Variants in PLB1 observed in about 807,000 individuals in gnomAD.
PLB1 encodes the protein phospholipase B1, also known as phospholipase B1, membrane-associated.
A neutral mutation model predicts 227.4 loss-of-function variants in PLB1; 242 were observed. The observed-to-expected ratio is 1.06, with a 90% CI of 0.96 to 1.18. The LOEUF (loss-of-function observed/expected upper bound fraction) is 1.18, where lower values mean the gene tolerates loss of function less well. Among genes scored for constraint, PLB1 ranks in the 50% most tolerant of loss-of-function variants. PLB1 has a pLI of 0.00. For synonymous variants in PLB1, 757 were observed against 682.2 expected (o/e 1.11, Z -1.71); for missense variants, 1,858 against 1,816.3 (o/e 1.02, Z -0.42).
intron 1 of PLB1, among the ~76,000 whole-genome samples, chr2:28,508,713 T>C (rs570631738): frequency 1.3e-5 from 2 of 152,352 alleles, no homozygotes; most frequent in Admixed American, 6.5e-5. Flanking sequence ...AGCTCAGTGC[T>C]TAGTGGAGAG....
chr2:28,619,773 C>G (rs561160782), intron 46 of PLB1, among the ~76,000 whole-genome samples: 106 of 152,028 alleles, frequency 7.0e-4, no homozygotes, highest in African/African-American at 2.5e-3. Context: ...AGGGAGCAAA[C>G]AAGGGTAAGG....
rs751935461 is a variant in PLB1 at position 28,582,514 on chromosome 2, G to C, written c.1733+9G>C. ...CCAAGGATGATCCTCAGGTCAGACAGATACTTCTCCCCGATTCTACTAAGA... is the reference window on the plus strand; with the variant it reads ...CCAAGGATGATCCTCAGGTCAGACACATACTTCTCCCCGATTCTACTAAGA... On this transcript the variant is annotated intron_variant, in intron 25 of 57. Transcript: ENST00000327757. 3 of 1,584,264 alleles carry C rather than the reference G, an allele frequency of 1.9e-6. No homozygotes were observed. In the East Asian group the frequency reaches 6.8e-5, roughly 36 times the overall value.
intron 51 of PLB1, among the ~76,000 whole-genome samples, chr2:28,626,813 C>T (rs1486537864): frequency 3.3e-5 from 5 of 152,180 alleles, no homozygotes; most frequent in African/African-American, 1.2e-4. Flanking sequence ...ACCTCTGGTA[C>T]CAGATAGGGG....
chr2:28,588,333 T>C (rs1465394548), intron 26 of PLB1, among the ~76,000 whole-genome samples: 3 of 152,204 alleles, frequency 2.0e-5, no homozygotes, highest in Non-Finnish European at 4.4e-5. Flanking sequence ...GGAAGCAGCA[T>C]GCTGGAAGTC....
rs377268544 is a variant in PLB1 at position 28,576,580 on chromosome 2, A to G, written c.1434-1527A>G. On this transcript the variant is annotated intron_variant, in intron 21 of 57. Transcript: ENST00000327757. ...TCCCGTCTCTACTAAAAATACAACAATTAGCCGGGTGTGGTGGCGGGTGCC... is the reference window on the plus strand; with the variant it reads ...TCCCGTCTCTACTAAAAATACAACAGTTAGCCGGGTGTGGTGGCGGGTGCC... Among the ~76,000 whole-genome samples, 11 of 152,216 alleles carry G rather than the reference A, an allele frequency of 7.2e-5. 1 individual carries two copies. The South Asian group carries it at 2.3e-3, about 32-fold the overall frequency.
chr2:28,591,626 T>C lies in PLB1; in HGVS notation c.2128-74T>C, dbSNP rs1681954471. ...AGGAATCTGTATTTTTCAAAGTTCT[T>C]GGGGTACATCTGATAGCCAGTTTTT... On this transcript the variant is annotated intron_variant, in intron 30 of 57. Transcript: ENST00000327757. The C allele has an allele frequency of 6.8e-6, 10 of 1,473,750 alleles. 1 individual carries two copies. The Admixed American group carries it at 1.7e-4, about 25-fold the overall frequency. 91.3% of individuals were successfully genotyped at this position (1,473,750 alleles called of 1,614,324 possible).
At chr2:28,583,208 C>G (rs1680344093) in intron 25 of PLB1, among the ~76,000 whole-genome samples, 1 of 149,480 alleles carries the variant, frequency 6.7e-6, no homozygotes, top group South Asian at 2.1e-4. Context: ...TTTTTTGAGA[C>G]AGGGTCTCGC....
intron 17 of PLB1, among the ~76,000 whole-genome samples, chr2:28,558,404 T>C (rs1334209846): frequency 1.3e-5 from 2 of 152,228 alleles, no homozygotes; most frequent in Non-Finnish European, 2.9e-5. Context: ...TTGACTGTTA[T>C]CACCAGAAGC....
intron 32 of PLB1, 64 bp from the exon 33 acceptor site, chr2:28,593,617 C>A: frequency 7.2e-7 from 1 of 1,393,370 alleles, no homozygotes; most frequent in Non-Finnish European, 1.0e-6. Context: ...AAGCCCTGTG[C>A]ATTCACAGCC....
intron 13 of PLB1, 146 bp downstream of exon 13, chr2:28,541,957 A>G: frequency 1.5e-6 from 1 of 647,224 alleles, no homozygotes; most frequent in Non-Finnish European, 2.7e-6. Context: ...ACATGGTGAA[A>G]CCCTGTCTCT....
At position 28,603,883 on chromosome 2, in the gene PLB1, C is replaced by T; in HGVS notation, c.2775-83C>T. On this transcript the variant is annotated intron_variant, in intron 39 of 57. Coordinates refer to ENST00000327757, the MANE Select transcript of PLB1 (RefSeq NM_153021.5). ...CAGGGCGGGAGGGAGCCTCTCCACC[C>T]CTCCCCTGAACCTGGGCAATCAGAA... is the stretch of plus-strand genomic sequence containing the variant. 3 of 1,315,008 alleles carry T rather than the reference C, an allele frequency of 2.3e-6. No individual in the cohort carries two copies. The South Asian group carries it at 3.6e-5, about 16-fold the overall frequency. 81.5% of individuals were successfully genotyped at this position (1,315,008 alleles called of 1,614,324 possible).
chr2:28,583,829 A>G (rs1181176045), intron 25 of PLB1, among the ~76,000 whole-genome samples: 1 of 150,786 alleles, frequency 6.6e-6, no homozygotes, highest in African/African-American at 2.4e-5. Context: ...AACGATAGCC[A>G]TAGGGTAATG....
At chr2:28,627,518 A>G (rs1410120703) in intron 51 of PLB1, among the ~76,000 whole-genome samples, 1 of 152,222 alleles carries the variant, frequency 6.6e-6, no homozygotes, top group Non-Finnish European at 1.5e-5. Flanking sequence ...TGTTTTAAAA[A>G]GAAGGAAAGG....
At chr2:28,614,194 GAA>G in intron 44 of PLB1, 98 bp downstream of exon 44, 1 of 1,147,730 alleles carries the variant, frequency 8.7e-7, no homozygotes, top group Non-Finnish European at 1.3e-6. Context: ...CACTGAAGCA[GAA>G]ATGTACTTCT....
At chr2:28,595,800 G>C (rs1682806883) in intron 33 of PLB1, 2 of 152,038 alleles carry the variant, frequency 1.3e-5, no homozygotes, top group South Asian at 4.2e-4. Context: ...GAAAAGAGTG[G>C]ATCTCATGGA....
intron 4 of PLB1, among the ~76,000 whole-genome samples, chr2:28,523,843 A>G (rs1669871474): frequency 1.3e-5 from 2 of 152,064 alleles, no homozygotes; most frequent in South Asian, 4.1e-4. Flanking sequence ...TTGAAAAATG[A>G]CTCTGGGGGG....
Position 28,642,904 on chromosome 2 carries a change from A to T in PLB1, c.4220A>T (p.Asp1407Val), listed in dbSNP as rs1204981503. ...CTGCGGAACAGCCGATTGCTCCCAG[A>T]CCAGGCTGAAGAAGCCCCCGAGGTG... is the stretch of plus-strand genomic sequence containing the variant. ...YTLRNSRLLP[D>V]QAEEAPEVLY... Residue 1407 changes from aspartate (D) to valine (V), a missense_variant, in exon 58 of 58, where the codon GAC (aspartate) becomes GTC (valine). By Grantham distance (152) the Asp-to-Val change is radical (BLOSUM62 -3). Coordinates refer to ENST00000327757, the MANE Select transcript of PLB1 (RefSeq NM_153021.5). The T allele has an allele frequency of 6.2e-7, 1 of 1,608,742 alleles. No homozygotes were observed. The highest frequency in any genetic ancestry group is 1.7e-5 in the Admixed American group (1 of 59,456).
intron 57 of PLB1, among the ~76,000 whole-genome samples, chr2:28,641,995 GC>G (rs1690026154): frequency 6.6e-6 from 1 of 152,056 alleles, no homozygotes. Context: ...CCCCACGACT[GC>G]CCGCATCCAG....
chr2:28,597,502 GT>G (rs1258589649), intron 33 of PLB1, among the ~76,000 whole-genome samples: 1 of 152,150 alleles, frequency 6.6e-6, no homozygotes, highest in Non-Finnish European at 1.5e-5. Flanking sequence ...GCATTGAAAG[GT>G]AGTGAGCAGC....
Sources: gnomAD v4.1 joint callset for allele counts (sites outside exome capture counted in the v4.1 genomes callset) on GRCh38, gnomAD v4.1.1 for gene constraint, MANE v1.5 for transcripts, NCBI Gene and HGNC (gene_info 2026-07-23, HGNC 2026-07-21) for gene names.